The following PHLPP1 variants were observed in gnomAD, a reference collection of about 807,000 sequenced individuals.
PHLPP1 encodes PH domain leucine-rich repeat-containing protein phosphatase 1.
In PHLPP1, 42 loss-of-function variants were observed where a neutral mutation model predicts 117.2. The ratio of observed to expected loss-of-function variants is 0.36; its 90% CI spans 0.28 to 0.46. The LOEUF (loss-of-function observed/expected upper bound fraction) is 0.46, where lower values mean the gene tolerates loss of function less well. Ranked by LOEUF, PHLPP1 falls within the 20% of genes least tolerant of loss-of-function variation. The pLI, the probability that PHLPP1 is intolerant of heterozygous loss-of-function variation, is 1.00. For synonymous variants in PHLPP1, 1,042 were observed against 970.7 expected (o/e 1.07, Z -1.37); for missense variants, 2,084 against 2,241.9 (o/e 0.93, Z 1.42).
At chr18:62,916,657 A>G (rs963878815) in intron 9 of PHLPP1, among the ~76,000 whole-genome samples, 44 of 148,848 alleles carry the variant, frequency 3.0e-4, no homozygotes, top group African/African-American at 1.1e-3. Context: ...TTAGTAGAGG[A>G]ACAGGAAAAA....
chr18:62,753,002 CAAAG>C (rs925006472), intron 1 of PHLPP1, among the ~76,000 whole-genome samples: 3 of 152,040 alleles, frequency 2.0e-5, no homozygotes, highest in South Asian at 2.1e-4. Context: ...AAATTATAAA[CAAAG>C]AAAAATAGCT....
Position 62,963,379 on chromosome 18 carries a change from G to T in PHLPP1, c.3467G>T (p.Cys1156Phe). 1 of 1,611,782 alleles carries T rather than the reference G, an allele frequency of 6.2e-7. No homozygotes were observed. Among genetic ancestry groups the T allele is most frequent in the Non-Finnish European group, 8.5e-7 (1 of 1,178,496 alleles). Residue 1156 changes from cysteine (C) to phenylalanine (F), a missense_variant, in exon 14 of 17, where the codon TGT becomes TTT. Around this residue, in one of 2 missense-constraint regions of PHLPP1, gnomAD observed 1,365 missense variants for 1,605.9 expected, o/e 0.85. Transcript: ENST00000262719. ...GTTTCTCTTGTTAGTAATATCCGCTGTTTCAAGATTGATCAGCCTTCTACA... is the reference window on the plus strand; with the variant it reads ...GTTTCTCTTGTTAGTAATATCCGCTTTTTCAAGATTGATCAGCCTTCTACA... ...KTLELLNNIR[C>F]FKIDQPSTGD... is the part of the protein sequence containing the mutation.
At chr18:62,960,667 A>G (rs1910741633) in intron 13 of PHLPP1, among the ~76,000 whole-genome samples, 1 of 152,250 alleles carries the variant, frequency 6.6e-6, no homozygotes, top group African/African-American at 2.4e-5. Context: ...ACAAAATAAA[A>G]TATTTGAATA....
chr18:62,855,096 G>T (rs1434777922), intron 3 of PHLPP1, among the ~76,000 whole-genome samples: 1 of 152,120 alleles, frequency 6.6e-6, no homozygotes, highest in African/African-American at 2.4e-5. Context: ...ACTGCACAGG[G>T]TATTGGGAAG....
chr18:62,739,137 T>G (rs1276875546), intron 1 of PHLPP1, among the ~76,000 whole-genome samples: 1 of 152,218 alleles, frequency 6.6e-6, no homozygotes, highest in Non-Finnish European at 1.5e-5. Flanking sequence ...TTGAAGCCTT[T>G]GGATTGAATG....
At chr18:62,753,378 A>G (rs1911917959) in intron 1 of PHLPP1, among the ~76,000 whole-genome samples, 1 of 152,230 alleles carries the variant, frequency 6.6e-6, no homozygotes, top group South Asian at 2.1e-4. Context: ...TATGGTTTAT[A>G]TATAGAGTTT....
chr18:62,958,033 A>G (rs1026572223), intron 12 of PHLPP1, among the ~76,000 whole-genome samples: 6 of 151,838 alleles, frequency 4.0e-5, no homozygotes, highest in Admixed American at 3.9e-4. Flanking sequence ...AGTGATTCTC[A>G]TGTGTCAGCC....
intron 12 of PHLPP1, among the ~76,000 whole-genome samples, chr18:62,952,754 G>A (rs1910500256): frequency 6.6e-6 from 1 of 152,160 alleles, no homozygotes. Context: ...GGCTTCCTGA[G>A]TAGCTGAGAC....
At chr18:62,845,593 A>C (rs1915161328) in intron 3 of PHLPP1, among the ~76,000 whole-genome samples, 1 of 152,172 alleles carries the variant, frequency 6.6e-6, no homozygotes, top group Admixed American at 6.5e-5. Flanking sequence ...TGAGGTTTCC[A>C]ACATATCGAT....
intron 1 of PHLPP1, among the ~76,000 whole-genome samples, chr18:62,755,382 C>T (rs966794220): frequency 6.6e-6 from 1 of 152,034 alleles, no homozygotes; most frequent in Non-Finnish European, 1.5e-5. Context: ...AGAAAGAGGG[C>T]AAAGTTTAGA....
chr18:62,839,821 T>A (rs1051011593), intron 3 of PHLPP1: 2 of 147,832 alleles, frequency 1.4e-5, no homozygotes, highest in Admixed American at 6.8e-5. Flanking sequence ...TTGTGTTTAA[T>A]GTAAACCAGA....
intron 1 of PHLPP1, among the ~76,000 whole-genome samples, chr18:62,822,321 G>T (rs1914490970): frequency 7.0e-6 from 1 of 143,298 alleles, no homozygotes; most frequent in African/African-American, 2.6e-5. Context: ...TCGCTCTGTG[G>T]TCCAGGCTGG....
intron 2 of PHLPP1, among the ~76,000 whole-genome samples, chr18:62,835,284 A>C (rs1914861797): frequency 2.0e-5 from 3 of 151,172 alleles, no homozygotes. Flanking sequence ...GTTCACTGCA[A>C]CCTCTGTCTC....
chr18:62,892,815 G>A (rs1176829561), intron 4 of PHLPP1, among the ~76,000 whole-genome samples: 16 of 150,144 alleles, frequency 1.1e-4, no homozygotes, highest in African/African-American at 2.4e-4. Context: ...GGCGGAGCTT[G>A]CAGTGAGCCG....
At chr18:62,948,111 G>T (rs1011117535) in intron 12 of PHLPP1, among the ~76,000 whole-genome samples, 3 of 152,092 alleles carry the variant, frequency 2.0e-5, no homozygotes, top group Non-Finnish European at 4.4e-5. Flanking sequence ...GATCACCTGA[G>T]GTCAGGCTTT....
At chr18:62,811,961 T>C (rs557860738) in intron 1 of PHLPP1, among the ~76,000 whole-genome samples, 12 of 152,284 alleles carry the variant, frequency 7.9e-5, no homozygotes, top group African/African-American at 2.9e-4. Flanking sequence ...TTTAGGAAAT[T>C]GTTTTGCTCT....
rs181778976 is a variant in PHLPP1 at position 62,778,930 on chromosome 18, G to A, written c.1577-51105G>A. Among the ~76,000 whole-genome samples, 6 of 152,344 alleles carry A rather than the reference G, an allele frequency of 3.9e-5. No homozygotes were observed. In the East Asian group the frequency reaches 9.6e-4, roughly 24 times the overall value. ...CTTCTTTGGTCCCACAAGGTTAGCCGTAGGCTTGTATATTGTTAATTCAGG... is the reference window on the plus strand; with the variant it reads ...CTTCTTTGGTCCCACAAGGTTAGCCATAGGCTTGTATATTGTTAATTCAGG... On this transcript the variant is annotated intron_variant, in intron 1 of 16. Coordinates refer to ENST00000262719, the MANE Select transcript of PHLPP1 (RefSeq NM_194449.4).
At chr18:62,729,898 G>A (rs1224235938) in intron 1 of PHLPP1, among the ~76,000 whole-genome samples, 1 of 152,180 alleles carries the variant, frequency 6.6e-6, no homozygotes, top group African/African-American at 2.4e-5. Flanking sequence ...CACCCTGTAT[G>A]CTAATTACTG....
chr18:62,793,682 A>G (rs1913532308), intron 1 of PHLPP1, among the ~76,000 whole-genome samples: 1 of 152,220 alleles, frequency 6.6e-6, no homozygotes, highest in Non-Finnish European at 1.5e-5. Context: ...GTTTCTACGG[A>G]GGAATAAACT....
Sources: gnomAD v4.1 joint callset for allele counts (sites outside exome capture counted in the v4.1 genomes callset) on GRCh38, gnomAD v4.1.1 for gene constraint, gnomAD v4.1.1 regional missense constraint, MANE v1.5 for transcripts, NCBI Gene and HGNC (gene_info 2026-07-23, HGNC 2026-07-21) for gene names.